Variants in TMEM178A observed in about 807,000 individuals in gnomAD.
The protein encoded by TMEM178A is transmembrane protein 178A.
TMEM178A carries 12 observed loss-of-function variants against 29.1 expected under a neutral mutation model. The observed-to-expected ratio is 0.41, with a 90% CI of 0.26 to 0.67. TMEM178A has a LOEUF of 0.67. TMEM178A is among the 30% of genes least tolerant of loss of function. The pLI is 0.29. For synonymous variants in TMEM178A, 210 were observed against 187.2 expected (o/e 1.12, Z -0.99); for missense variants, 366 against 419.1 (o/e 0.87, Z 1.11).
chr2:39,703,337 G>C (rs1671877906), intron 1 of TMEM178A, among the ~76,000 whole-genome samples: 2 of 152,160 alleles, frequency 1.3e-5, no homozygotes. Context: ...ATGGACCCAT[G>C]TTAATTTATG....
At chr2:39,733,012 C>G in the TMEM178A span, among the ~76,000 whole-genome samples, 1 of 152,242 alleles carries the variant, frequency 6.6e-6, no homozygotes, top group East Asian at 1.9e-4. Flanking sequence ...TGACATCAGC[C>G]CTTCCAAAAA....
the TMEM178A span, among the ~76,000 whole-genome samples, chr2:39,727,086 C>T: frequency 4.6e-5 from 7 of 152,178 alleles, no homozygotes; most frequent in African/African-American, 1.7e-4. Context: ...TCATTTTTCT[C>T]TCTGCCGAGG....
At chr2:39,684,630 A>G (rs141747762) in intron 1 of TMEM178A, among the ~76,000 whole-genome samples, 1 of 152,296 alleles carries the variant, frequency 6.6e-6, no homozygotes, top group African/African-American at 2.4e-5. Context: ...ACTTGATCAT[A>G]TCACCTCCTT....
intron 1 of TMEM178A, among the ~76,000 whole-genome samples, chr2:39,699,971 A>T (rs1276427221): frequency 6.6e-6 from 1 of 151,862 alleles, no homozygotes; most frequent in African/African-American, 2.4e-5. Flanking sequence ...TTATTTTCTT[A>T]TTTATTTCTA....
At chr2:39,674,602 A>G (rs1348259756) in intron 1 of TMEM178A, among the ~76,000 whole-genome samples, 5 of 152,236 alleles carry the variant, frequency 3.3e-5, no homozygotes, top group East Asian at 1.9e-4. Context: ...AAATCTCACA[A>G]ATCACCACTA....
chr2:39,686,621 C>T (rs1228264571), intron 1 of TMEM178A, among the ~76,000 whole-genome samples: 1 of 142,022 alleles, frequency 7.0e-6, no homozygotes, highest in Non-Finnish European at 1.5e-5. Context: ...CGGATGGTGG[C>T]TGGTGGCAGA....
intron 3 of TMEM178A, among the ~76,000 whole-genome samples, chr2:39,707,768 C>T (rs1672101412): frequency 6.6e-6 from 1 of 152,202 alleles, no homozygotes; most frequent in Non-Finnish European, 1.5e-5. Context: ...ACCCCACCTT[C>T]TGTTCCTTCT....
At chr2:39,722,919 T>G (rs1394649278), downstream of TMEM178A, among the ~76,000 whole-genome samples, 2 of 152,136 alleles carry the variant, frequency 1.3e-5, no homozygotes, top group Admixed American at 6.5e-5. Context: ...ATCAGGACCT[T>G]AGAGGTAAAT....
the TMEM178A span, among the ~76,000 whole-genome samples, chr2:39,733,620 T>C: frequency 6.6e-6 from 1 of 152,236 alleles, no homozygotes; most frequent in Non-Finnish European, 1.5e-5. Flanking sequence ...ACATATTTAT[T>C]AGGAATATAA....
At chr2:39,724,582 A>G in the TMEM178A span, among the ~76,000 whole-genome samples, 181 of 152,304 alleles carry the variant, frequency 1.2e-3, no homozygotes, top group African/African-American at 4.3e-3. Context: ...TTTTTTTATT[A>G]TATCTCAAGG....
At chr2:39,675,382 T>C (rs766908696) in intron 1 of TMEM178A, among the ~76,000 whole-genome samples, 6 of 148,810 alleles carry the variant, frequency 4.0e-5, no homozygotes, top group Non-Finnish European at 8.9e-5. Flanking sequence ...TTTGGGAAAG[T>C]TAAAAAATAA....
intron 1 of TMEM178A, among the ~76,000 whole-genome samples, chr2:39,690,343 C>T (rs73927034): frequency 1.3e-5 from 2 of 152,156 alleles, no homozygotes; most frequent in African/African-American, 4.8e-5. Context: ...TGGTGTGTGC[C>T]TGCTCTTTCA....
intron 1 of TMEM178A, among the ~76,000 whole-genome samples, chr2:39,686,144 G>T (rs1192010070): frequency 6.6e-6 from 1 of 152,206 alleles, no homozygotes; most frequent in East Asian, 1.9e-4. Flanking sequence ...CCCTGAGCAG[G>T]AAGTCACCAG....
At chr2:39,720,930 G>A (rs1434018437), downstream of TMEM178A, among the ~76,000 whole-genome samples, 1 of 152,158 alleles carries the variant, frequency 6.6e-6, no homozygotes, top group African/African-American at 2.4e-5. Context: ...AATGTGTTAT[G>A]AACTACTGTG....
At chr2:39,684,453 G>A (rs1290342956) in intron 1 of TMEM178A, among the ~76,000 whole-genome samples, 1 of 152,182 alleles carries the variant, frequency 6.6e-6, no homozygotes. Flanking sequence ...TATTATTTGA[G>A]ATACTGTGAA....
intron 1 of TMEM178A, among the ~76,000 whole-genome samples, chr2:39,683,487 C>G (rs562263190): frequency 6.6e-6 from 1 of 152,134 alleles, no homozygotes; most frequent in Non-Finnish European, 1.5e-5. Context: ...TGGTGCTGTT[C>G]CAGGACACAG....
intron 3 of TMEM178A, among the ~76,000 whole-genome samples, chr2:39,707,863 T>C (rs1299631657): frequency 6.6e-6 from 1 of 152,214 alleles, no homozygotes; most frequent in Non-Finnish European, 1.5e-5. Context: ...CAGAGGGGGA[T>C]AGATCAGCAC....
downstream of TMEM178A, among the ~76,000 whole-genome samples, chr2:39,722,241 G>C (rs1207445872): frequency 6.6e-6 from 1 of 152,072 alleles, no homozygotes; most frequent in Non-Finnish European, 1.5e-5. Flanking sequence ...GGGAAGTTAA[G>C]GATGACACCT....
intron 1 of TMEM178A, among the ~76,000 whole-genome samples, chr2:39,690,558 G>C (rs938772649): frequency 6.6e-6 from 1 of 152,236 alleles, no homozygotes; most frequent in Non-Finnish European, 1.5e-5. Context: ...GGGAATGAAA[G>C]AAGTGGGACA....
Sources: allele counts gnomAD v4.1 joint callset (sites outside exome capture counted in the v4.1 genomes callset), GRCh38; gene constraint gnomAD v4.1.1; transcripts MANE v1.5; gene names NCBI Gene and HGNC (gene_info 2026-07-23, HGNC 2026-07-21).